Variants in SLC4A10 observed in about 807,000 individuals in gnomAD.
SLC4A10 encodes the protein solute carrier family 4 member 10.
In SLC4A10, 42 loss-of-function variants were observed where a neutral mutation model predicts 137.7. The observed-to-expected ratio is 0.30, with a 90% confidence interval of 0.24 to 0.39. The LOEUF is 0.39. Among genes scored for constraint, SLC4A10 ranks in the 10% least tolerant of loss-of-function variants. The pLI, the probability that SLC4A10 is intolerant of heterozygous loss-of-function variation, is 1.00. For missense variants in SLC4A10, 925 were observed against 1,355.0 expected (o/e 0.68, Z 4.98); for synonymous variants, 474 against 464.1 (o/e 1.02, Z -0.27).
At chr2:161,965,000 C>A in intron 22 of SLC4A10, 51 bp from the exon 23 acceptor site, 1 of 1,556,222 alleles carries the variant, frequency 6.4e-7, no homozygotes, top group Non-Finnish European at 8.8e-7. Context: ...AAATCTACAC[C>A]TCTCGTTTTA....
chr2:161,910,974 A>G (rs1380128172), intron 15 of SLC4A10, among the ~76,000 whole-genome samples: 1 of 151,982 alleles, frequency 6.6e-6, no homozygotes, highest in Non-Finnish European at 1.5e-5. Context: ...AAATAAACAT[A>G]CATTAAGTAT....
chr2:161,817,421 T>G (rs1266230628), intron 3 of SLC4A10, among the ~76,000 whole-genome samples: 1 of 152,168 alleles, frequency 6.6e-6, no homozygotes, highest in Non-Finnish European at 1.5e-5. Context: ...TTTCTCCCAT[T>G]TTGTAGGTTG....
chr2:161,659,738 A>ATTTG (rs1441341013), intron 1 of SLC4A10, among the ~76,000 whole-genome samples: 9 of 152,232 alleles, frequency 5.9e-5, no homozygotes, highest in African/African-American at 1.9e-4. Context: ...AATAGACAAA[A>ATTTG]AGTGAAAAAT....
At chr2:161,762,688 G>A (rs1574832430) in intron 1 of SLC4A10, among the ~76,000 whole-genome samples, 1 of 152,170 alleles carries the variant, frequency 6.6e-6, no homozygotes, top group East Asian at 1.9e-4. Context: ...AAACAGTAGT[G>A]AAACATTATT....
At chr2:161,644,455 G>T (rs867451483) in intron 1 of SLC4A10, among the ~76,000 whole-genome samples, 36 of 150,794 alleles carry the variant, frequency 2.4e-4, no homozygotes, top group African/African-American at 8.8e-4. Flanking sequence ...CTGCACTCCA[G>T]CTTGGGCAAC....
chr2:161,725,715 A>C (rs1203113871), intron 1 of SLC4A10, among the ~76,000 whole-genome samples: 1 of 152,182 alleles, frequency 6.6e-6, no homozygotes, highest in Non-Finnish European at 1.5e-5. Context: ...AAAAGTGGGG[A>C]TTTATAACCT....
intron 1 of SLC4A10, among the ~76,000 whole-genome samples, chr2:161,743,047 T>A (rs2048076061): frequency 6.6e-6 from 1 of 152,196 alleles, no homozygotes; most frequent in Non-Finnish European, 1.5e-5. Flanking sequence ...TTGCAAATAT[T>A]TTCTCCCATT....
intron 1 of SLC4A10, among the ~76,000 whole-genome samples, chr2:161,628,744 A>T (rs1031366956): frequency 1.5e-4 from 23 of 152,078 alleles, no homozygotes; most frequent in South Asian, 6.2e-4. Flanking sequence ...TTACTCTAGC[A>T]TGGTGAGTGA....
rs1039267514 is a variant in SLC4A10, at chr2:161,918,199, A to G, written c.1997+12312A>G. Among the ~76,000 whole-genome samples the G allele has an allele frequency of 2.0e-5, 3 of 152,308 alleles. No individual in the cohort carries two copies. The East Asian group carries it at 5.8e-4, about 29-fold the overall frequency. ...GAGACAGAGTCTCTCTCTGTCACCC[A>G]GGCTGGCGTGCAGCGGTGCAATCTC... On this transcript the variant is annotated intron_variant, in intron 15 of 26. Coordinates refer to ENST00000446997, the MANE Select transcript of SLC4A10 (RefSeq NM_001178015.2).
At chr2:161,647,984 T>A (rs1288362877) in intron 1 of SLC4A10, among the ~76,000 whole-genome samples, 1 of 152,248 alleles carries the variant, frequency 6.6e-6, no homozygotes, top group Non-Finnish European at 1.5e-5. Flanking sequence ...ACTAGTGGTA[T>A]AGCATTCATG....
At chr2:161,908,945 T>G (rs1398547365) in intron 15 of SLC4A10, among the ~76,000 whole-genome samples, 1 of 151,494 alleles carries the variant, frequency 6.6e-6, no homozygotes. Context: ...CAAAGGGTAA[T>G]TTGAAAGCTA....
At chr2:161,947,812 AG>A (rs1489432691) in intron 17 of SLC4A10, 85 bp downstream of exon 17, 16 of 1,461,650 alleles carry the variant, frequency 1.1e-5, no homozygotes, top group Non-Finnish European at 1.5e-5. Flanking sequence ...AGCCACTGAA[AG>A]GCTTTTGTGT....
intron 1 of SLC4A10, among the ~76,000 whole-genome samples, chr2:161,715,149 A>G (rs992350885): frequency 6.6e-6 from 1 of 151,982 alleles, no homozygotes; most frequent in Non-Finnish European, 1.5e-5. Context: ...AAAGGATAGG[A>G]CAATTTGAGT....
At chr2:161,745,815 C>G (rs2048333129) in intron 1 of SLC4A10, among the ~76,000 whole-genome samples, 1 of 152,138 alleles carries the variant, frequency 6.6e-6, no homozygotes, top group Non-Finnish European at 1.5e-5. Context: ...AACACGGTGG[C>G]TCTTGCAGAC....
At chr2:161,800,538 T>A (rs1413908003) in intron 2 of SLC4A10, among the ~76,000 whole-genome samples, 1 of 152,040 alleles carries the variant, frequency 6.6e-6, no homozygotes, top group East Asian at 1.9e-4. Flanking sequence ...GGGGTTGTAA[T>A]TATTGCCAAT....
chr2:161,918,988 C>A (rs752495154), intron 15 of SLC4A10, among the ~76,000 whole-genome samples: 2 of 152,326 alleles, frequency 1.3e-5, no homozygotes, highest in African/African-American at 4.8e-5. Flanking sequence ...TGGAAAGCCC[C>A]CTCCCCCCAT....
chr2:161,746,840 G>T (rs2048434584), intron 1 of SLC4A10, among the ~76,000 whole-genome samples: 1 of 152,140 alleles, frequency 6.6e-6, no homozygotes, highest in Admixed American at 6.6e-5. Context: ...AGGGCAATGG[G>T]TTTCCTTCTG....
At chr2:161,802,431 A>G (rs1361491937) in intron 2 of SLC4A10, among the ~76,000 whole-genome samples, 2 of 152,110 alleles carry the variant, frequency 1.3e-5, no homozygotes, top group African/African-American at 2.4e-5. Flanking sequence ...GTACAAATAT[A>G]TCCACTAAAG....
intron 1 of SLC4A10, among the ~76,000 whole-genome samples, chr2:161,721,181 A>G (rs1428050050): frequency 6.6e-6 from 1 of 152,212 alleles, no homozygotes; most frequent in Non-Finnish European, 1.5e-5. Flanking sequence ...AGCCCATTTA[A>G]TTGAAGAATA....
Sources: allele counts gnomAD v4.1 joint callset (sites outside exome capture counted in the v4.1 genomes callset), GRCh38; gene constraint gnomAD v4.1.1; transcripts MANE v1.5; gene names NCBI Gene and HGNC (gene_info 2026-07-23, HGNC 2026-07-21).